Variants in UGT1A10 observed in about 807,000 individuals in gnomAD.
UGT1A10 encodes UDP glucuronosyltransferase family 1 member A10, also known as UDP-glucuronosyltransferase 1A10.
UGT1A10 carries 49 observed loss-of-function variants against 45.8 expected under a neutral mutation model. The observed-to-expected ratio is 1.07, with a 90% confidence interval of 0.85 to 1.36. UGT1A10 has a LOEUF of 1.36. Among genes scored for constraint, UGT1A10 ranks in the 40% most tolerant of loss-of-function variants. The pLI is 0.00. For missense variants in UGT1A10, 745 were observed against 668.6 expected (o/e 1.11, Z -1.26); for synonymous variants, 284 against 249.7 (o/e 1.14, Z -1.29).
At chr2:233,752,558 C>A (rs1695002027) in intron 1 of UGT1A10, 1 of 152,132 alleles carries the variant, frequency 6.6e-6, no homozygotes, top group Non-Finnish European at 1.5e-5. Context: ...GCTGGGACAA[C>A]ATAGTGGGTC....
At chr2:233,737,822 A>G (rs1690601410) in intron 1 of UGT1A10, among the ~76,000 whole-genome samples, 1 of 152,126 alleles carries the variant, frequency 6.6e-6, no homozygotes, top group African/African-American at 2.4e-5. Flanking sequence ...GGAGCAGAAC[A>G]AATTGGGAAC....
rs538309349 is a variant in UGT1A10, at chr2:233,711,882, A to G, written c.856-55152A>G. Among the ~76,000 whole-genome samples the G allele has an allele frequency of 1.2e-3, 185 of 152,230 alleles. 1 individual carries two copies. The highest frequency in any genetic ancestry group is 2.4e-3 in the Non-Finnish European group (166 of 68,038). ...AGTATGAGTGACTTTCTGGAGCAGG[A>G]CGAGTCTCATGGGCGTGAGACCATT... On this transcript the variant is annotated intron_variant, in intron 1 of 4. Coordinates refer to ENST00000344644, the MANE Select transcript of UGT1A10 (RefSeq NM_019075.4).
chr2:233,688,400 A>G (rs2074892295), intron 1 of UGT1A10, among the ~76,000 whole-genome samples: 1 of 152,170 alleles, frequency 6.6e-6, no homozygotes, highest in Non-Finnish European at 1.5e-5. Flanking sequence ...TGATGTTCTA[A>G]TTTTCGAGCC....
intron 1 of UGT1A10, among the ~76,000 whole-genome samples, 180 bp from the exon 2 acceptor site, chr2:233,766,854 A>G (rs966764700): frequency 6.6e-6 from 1 of 152,226 alleles, no homozygotes. Flanking sequence ...CTCCTTTAGA[A>G]GGAAGTAAAG....
Position 233,769,836 on chromosome 2 carries a change from C to T in UGT1A10, c.1295+1397C>T. ...TGCCACTGCACTCCAGCAACCTGGGCAACAGAGTGAGACCCTGTCTCAAAA... is the reference window on the plus strand; with the variant it reads ...TGCCACTGCACTCCAGCAACCTGGGTAACAGAGTGAGACCCTGTCTCAAAA... On this transcript the variant is annotated intron_variant, in intron 4 of 4. Coordinates refer to ENST00000344644, the MANE Select transcript of UGT1A10 (RefSeq NM_019075.4). This position sits in a 1 kb window ranked among gnomAD's most constrained non-coding sequence, Gnocchi z 4.4. 7.4e-6 allele frequency: 4 copies of T among 538,192 alleles called. No individual in the cohort carries two copies. The highest frequency in any genetic ancestry group is 1.1e-5 in the Non-Finnish European group (4 of 353,822). 33.3% of individuals were successfully genotyped at this position (538,192 alleles called of 1,614,324 possible).
At chr2:233,645,591 G>T (rs1196694917) in intron 1 of UGT1A10, among the ~76,000 whole-genome samples, 1 of 152,204 alleles carries the variant, frequency 6.6e-6, no homozygotes, top group African/African-American at 2.4e-5. Context: ...CAATAAGGGG[G>T]CTACAGGCCC....
chr2:233,740,756 T>G (rs1289445141), intron 1 of UGT1A10: 2 of 151,784 alleles, frequency 1.3e-5, no homozygotes, highest in Non-Finnish European at 1.5e-5. Flanking sequence ...TCTGAAAACC[T>G]TATCAAACCG....
At chr2:233,755,256 T>C in intron 1 of UGT1A10, 1 of 820,386 alleles carries the variant, frequency 1.2e-6, no homozygotes, top group Non-Finnish European at 1.8e-6. Context: ...CAGCACCTCG[T>C]AGTAGTCCAC....
Position 233,692,853 on chromosome 2 carries a change from G to T in UGT1A10, c.855+55476G>T, listed in dbSNP as rs571561782. 67 of 1,463,022 alleles carry T rather than the reference G, an allele frequency of 4.6e-5. 1 individual carries two copies. In the African/African-American group the frequency reaches 8.5e-4, roughly 19 times the overall value. 90.6% of individuals were successfully genotyped at this position (1,463,022 alleles called of 1,614,324 possible). On this transcript the variant is annotated intron_variant, in intron 1 of 4. Coordinates refer to ENST00000344644, the MANE Select transcript of UGT1A10 (RefSeq NM_019075.4). Reference sequence around the variant, plus strand: ...TTAAAATGGTTAAATATTAATTTGGGTTCTTACATATCAAAGGGTAAAATT... The same window carrying T: ...TTAAAATGGTTAAATATTAATTTGGTTTCTTACATATCAAAGGGTAAAATT...
chr2:233,666,979 T>A (rs1157114719), intron 1 of UGT1A10, among the ~76,000 whole-genome samples: 1 of 152,212 alleles, frequency 6.6e-6, no homozygotes, highest in Non-Finnish European at 1.5e-5. Context: ...GGACATGAAC[T>A]CATCATTTTT....
chr2:233,642,986 T>A (rs1355603035), intron 1 of UGT1A10, among the ~76,000 whole-genome samples: 1 of 152,206 alleles, frequency 6.6e-6, no homozygotes, highest in Non-Finnish European at 1.5e-5. Context: ...ACTATGACTG[T>A]GCTGGATCAG....
chr2:233,667,773 A>G (rs954592427), intron 1 of UGT1A10, among the ~76,000 whole-genome samples: 3 of 152,226 alleles, frequency 2.0e-5, no homozygotes, highest in Non-Finnish European at 2.9e-5. Flanking sequence ...CAAAAGACAC[A>G]TGAAAAAATG....
At chr2:233,748,132 A>T in intron 1 of UGT1A10, 1 of 1,610,152 alleles carries the variant, frequency 6.2e-7, no homozygotes, top group Middle Eastern at 2.1e-4. Flanking sequence ...CAGTTTTTAA[A>T]AATTGTATTT....
chr2:233,771,260 C>CT (rs891018282), intron 4 of UGT1A10: 6 of 151,570 alleles, frequency 4.0e-5, no homozygotes, highest in Admixed American at 6.6e-5. Flanking sequence ...ATAGGAGTGC[C>CT]TTTTTTTTTC....
At chr2:233,682,375 T>C (rs1194414955) in intron 1 of UGT1A10, 3 of 1,613,964 alleles carry the variant, frequency 1.9e-6, no homozygotes, top group Non-Finnish European at 1.7e-6. Context: ...ATGCAGTGTT[T>C]CTCGATCCTT....
At chr2:233,678,926 T>C (rs2074431957) in intron 1 of UGT1A10, among the ~76,000 whole-genome samples, 1 of 152,230 alleles carries the variant, frequency 6.6e-6, no homozygotes, top group Admixed American at 6.5e-5. Context: ...GTGCAACATC[T>C]GGTCACAGTT....
chr2:233,757,196 T>A (rs1166696212), intron 1 of UGT1A10, among the ~76,000 whole-genome samples: 4 of 150,888 alleles, frequency 2.7e-5, no homozygotes, highest in Admixed American at 6.6e-5. Flanking sequence ...CTCTGAATTT[T>A]CTGTGCCCAG....
chr2:233,713,405 C>G (rs2076318550), intron 1 of UGT1A10: 2 of 1,614,030 alleles, frequency 1.2e-6, no homozygotes, highest in South Asian at 1.1e-5. Context: ...AGGCCCTGAT[C>G]AGGCACCTGC....
At chr2:233,643,269 T>C (rs1301760102) in intron 1 of UGT1A10, among the ~76,000 whole-genome samples, 1 of 152,170 alleles carries the variant, frequency 6.6e-6, no homozygotes, top group Non-Finnish European at 1.5e-5. Context: ...AACCACAAGA[T>C]GCAGTCCTTC....
Sources: allele counts gnomAD v4.1 joint callset (sites outside exome capture counted in the v4.1 genomes callset), GRCh38; gene constraint gnomAD v4.1.1; non-coding constraint Gnocchi (gnomAD v3.1); transcripts MANE v1.5; gene names NCBI Gene and HGNC (gene_info 2026-07-23, HGNC 2026-07-21).